Variants in CDH13 observed in about 807,000 individuals in gnomAD.
CDH13 encodes the protein cadherin 13.
In CDH13, 24 loss-of-function variants were observed where a neutral mutation model predicts 63.8. The ratio of observed to expected loss-of-function variants is 0.38; its 90% CI spans 0.27 to 0.53. The LOEUF is 0.53. Among genes scored for constraint, CDH13 ranks in the 20% least tolerant of loss-of-function variants. The pLI is 0.85. For missense variants in CDH13, 1,049 were observed against 903.1 expected, an observed-to-expected ratio of 1.16 and a Z score of -2.07; for synonymous variants, 503 against 355.3, an observed-to-expected ratio of 1.42 and a Z score of -4.67.
chr16:83,761,783 T>C (rs1913989192), intron 11 of CDH13, among the ~76,000 whole-genome samples: 1 of 152,200 alleles, frequency 6.6e-6, no homozygotes, highest in East Asian at 1.9e-4. Context: ...TTTAATGCAC[T>C]ATAACCAGCA....
chr16:83,224,104 C>A (rs559868101), intron 5 of CDH13, among the ~76,000 whole-genome samples: 7 of 152,282 alleles, frequency 4.6e-5, no homozygotes, highest in Admixed American at 1.3e-4. Context: ...GTTTTCCATT[C>A]CTGAGTTACT....
chr16:82,798,791 G>C (rs1475778851), intron 1 of CDH13, among the ~76,000 whole-genome samples: 2 of 152,148 alleles, frequency 1.3e-5, no homozygotes, highest in Non-Finnish European at 2.9e-5. Flanking sequence ...TAAGACGATT[G>C]CAAGATCCCA....
At chr16:83,151,699 T>G (rs2036988160) in intron 4 of CDH13, among the ~76,000 whole-genome samples, 1 of 152,332 alleles carries the variant, frequency 6.6e-6, no homozygotes, top group South Asian at 2.1e-4. Flanking sequence ...GCACAGTGGT[T>G]CACGCCTGTA....
rs537030142 is a variant in CDH13 at position 83,613,622 on chromosome 16, G to A, written c.1101+11028G>A. On this transcript the variant is annotated intron_variant, in intron 8 of 13. Coordinates refer to ENST00000567109, the MANE Select transcript of CDH13 (RefSeq NM_001257.5). ...CCGGTGGGCAGATCACTTGAGGTCA[G>A]GAGTTCAACACCAGCCTGGCCAACA... Among the ~76,000 whole-genome samples the A allele has an allele frequency of 1.8e-4, 27 of 151,776 alleles. No homozygotes were observed. In the East Asian group the frequency reaches 5.2e-3, roughly 29 times the overall value.
At chr16:83,240,696 C>A (rs1216790054) in intron 5 of CDH13, among the ~76,000 whole-genome samples, 1 of 109,476 alleles carries the variant, frequency 9.1e-6, no homozygotes, top group Non-Finnish European at 1.9e-5. Context: ...AAAAACATGA[C>A]TTTAAATTTA....
chr16:82,727,118 G>A (rs538018236), intron 1 of CDH13, among the ~76,000 whole-genome samples: 1 of 152,118 alleles, frequency 6.6e-6, no homozygotes, highest in African/African-American at 2.4e-5. Flanking sequence ...TACAAGATGC[G>A]CAGGTGGTAT....
chr16:83,517,573 C>G (rs891642547), intron 7 of CDH13, among the ~76,000 whole-genome samples: 1 of 152,158 alleles, frequency 6.6e-6, no homozygotes, highest in African/African-American at 2.4e-5. Context: ...TAGAACTAGT[C>G]ATGTGGCCCC....
chr16:82,705,813 C>T (rs1330295954), intron 1 of CDH13, among the ~76,000 whole-genome samples: 3 of 152,130 alleles, frequency 2.0e-5, no homozygotes, highest in African/African-American at 7.2e-5. Context: ...TGTTTATGAT[C>T]CTGCAATGTA....
chr16:82,710,120 A>G (rs2151004379), intron 1 of CDH13, among the ~76,000 whole-genome samples: 1 of 147,920 alleles, frequency 6.8e-6, no homozygotes, highest in East Asian at 2.0e-4. Flanking sequence ...TATTATATAG[A>G]TTTAATATAT....
intron 2 of CDH13, among the ~76,000 whole-genome samples, chr16:82,998,834 A>C (rs1912537592): frequency 6.6e-6 from 1 of 151,008 alleles, no homozygotes; most frequent in Non-Finnish European, 1.5e-5. Context: ...TGACTTAAGA[A>C]ACGCTGCCAT....
chr16:83,090,783 A>G (rs61263938), intron 3 of CDH13, among the ~76,000 whole-genome samples: 3,860 of 152,176 alleles, frequency 0.025, 173 homozygotes, highest in African/African-American at 0.088. Flanking sequence ...TGGTTTATAG[A>G]CCAGACTTCA....
intron 2 of CDH13, among the ~76,000 whole-genome samples, chr16:82,886,886 A>G (rs2040907516): frequency 6.6e-6 from 1 of 152,128 alleles, no homozygotes; most frequent in Non-Finnish European, 1.5e-5. Context: ...TCTAAGTCAT[A>G]TTCACTCTGC....
At chr16:83,411,163 C>G (rs1459159239) in intron 6 of CDH13, among the ~76,000 whole-genome samples, 1 of 152,134 alleles carries the variant, frequency 6.6e-6, no homozygotes, top group Non-Finnish European at 1.5e-5. Flanking sequence ...TCTCAGGGAC[C>G]TCACACAATT....
intron 3 of CDH13, among the ~76,000 whole-genome samples, chr16:83,051,316 T>G (rs138624116): frequency 8.5e-4 from 129 of 152,350 alleles, no homozygotes; most frequent in African/African-American, 2.8e-3. Flanking sequence ...CTTCCACATC[T>G]ATCTCTAAGG....
intron 1 of CDH13, among the ~76,000 whole-genome samples, chr16:82,663,706 T>C (rs1304673612): frequency 1.3e-5 from 2 of 152,340 alleles, no homozygotes; most frequent in East Asian, 3.9e-4. Context: ...TTTTTTCCTG[T>C]TGATCTGGTT....
intron 8 of CDH13, among the ~76,000 whole-genome samples, chr16:83,626,740 C>T (rs571986738): frequency 2.6e-5 from 4 of 152,190 alleles, no homozygotes; most frequent in African/African-American, 7.2e-5. Context: ...GAAGAAGCAA[C>T]GGAGCCATGA....
intron 7 of CDH13, among the ~76,000 whole-genome samples, chr16:83,503,441 A>C (rs2074329421): frequency 6.6e-6 from 1 of 152,162 alleles, no homozygotes. Context: ...GCCTCTGCCC[A>C]GGAGGAGGGG....
intron 1 of CDH13, among the ~76,000 whole-genome samples, chr16:82,675,392 C>T (rs962584169): frequency 6.6e-6 from 1 of 152,034 alleles, no homozygotes; most frequent in African/African-American, 2.4e-5. Context: ...AATGGAATGT[C>T]AAACTGATGG....
intron 6 of CDH13, among the ~76,000 whole-genome samples, chr16:83,352,280 T>A (rs908760336): frequency 1.3e-5 from 2 of 152,172 alleles, no homozygotes; most frequent in South Asian, 4.2e-4. Flanking sequence ...CACAGCTAAA[T>A]GGAATGAAAA....
Sources: allele counts gnomAD v4.1 joint callset (sites outside exome capture counted in the v4.1 genomes callset), GRCh38; gene constraint gnomAD v4.1.1; transcripts MANE v1.5; gene names NCBI Gene and HGNC (gene_info 2026-07-23, HGNC 2026-07-21).